The following PRKCA variants were observed in gnomAD, a reference collection of about 807,000 sequenced individuals.
PRKCA encodes the protein protein kinase C alpha type.
A neutral mutation model predicts 87.0 loss-of-function variants in PRKCA; 27 were observed. The observed-to-expected ratio is 0.31, with a 90% CI of 0.23 to 0.43. The LOEUF is 0.43. Among genes scored for constraint, PRKCA ranks in the 20% least tolerant of loss-of-function variants. The pLI, the probability that PRKCA is intolerant of heterozygous loss-of-function variation, is 1.00. For synonymous variants in PRKCA, 329 were observed against 311.1 expected (o/e 1.06, Z -0.61); for missense variants, 518 against 852.3 (o/e 0.61, Z 4.88).
intron 16 of PRKCA, among the ~76,000 whole-genome samples, chr17:66,791,137 G>A (rs1017304325): frequency 6.7e-6 from 1 of 149,514 alleles, no homozygotes; most frequent in Non-Finnish European, 1.5e-5. Context: ...TCCTAATGCT[G>A]TCCCTCCCCC....
intron 2 of PRKCA, among the ~76,000 whole-genome samples, chr17:66,462,179 G>A (rs958464184): frequency 2.0e-5 from 3 of 152,092 alleles, no homozygotes; most frequent in Non-Finnish European, 2.9e-5. Context: ...GGTGCTCTGC[G>A]GTTTCTGAGA....
intron 1 of PRKCA, among the ~76,000 whole-genome samples, chr17:66,305,368 C>T (rs993463315): frequency 6.6e-6 from 1 of 152,160 alleles, no homozygotes; most frequent in Non-Finnish European, 1.5e-5. Flanking sequence ...GACTCTCAAC[C>T]TTCCGAAGAA....
chr17:66,454,235 C>G (rs900111639), intron 2 of PRKCA, among the ~76,000 whole-genome samples: 1 of 152,166 alleles, frequency 6.6e-6, no homozygotes, highest in Non-Finnish European at 1.5e-5. Context: ...CCTGTGGACT[C>G]CCTGGTCAGT....
rs573364152 is a variant in PRKCA at position 66,420,155 on chromosome 17, A to G, written c.206-76046A>G. 1.3e-3 allele frequency among the ~76,000 whole-genome samples: 192 copies of G among 151,962 alleles called. 1 individual carries two copies. Among genetic ancestry groups the G allele is most frequent in the African/African-American group, 4.2e-3 (174 of 41,486 alleles). Reference sequence around the variant, plus strand: ...GCCTCCCAAGTAGCTGGGACTGCAGAAGTATGCCACCACGCCCGGCTAATT... The same window carrying G: ...GCCTCCCAAGTAGCTGGGACTGCAGGAGTATGCCACCACGCCCGGCTAATT... On this transcript the variant is annotated intron_variant, in intron 2 of 16. Transcript: ENST00000413366.
intron 3 of PRKCA, among the ~76,000 whole-genome samples, chr17:66,546,018 T>A (rs914970589): frequency 4.6e-5 from 7 of 152,252 alleles, no homozygotes; most frequent in African/African-American, 1.7e-4. Context: ...TTTTATCCTT[T>A]TACTTTTCAT....
Position 66,320,877 on chromosome 17 carries a change from A to G in PRKCA, c.205+14750A>G, listed in dbSNP as rs141893423. Among the ~76,000 whole-genome samples, 433 of 152,346 alleles carry G rather than the reference A, an allele frequency of 2.8e-3. 4 individuals carry two copies. The highest frequency in any genetic ancestry group is 1.0e-2 in the African/African-American group (414 of 41,592). On this transcript the variant is annotated intron_variant, in intron 2 of 16. Transcript: ENST00000413366. ...TATTTTTAGTAGCTCCCTAAACAAG[A>G]TTTAAAGCTTGACTAAATGTAGTCA...
At chr17:66,796,111 C>G (rs1335822242) in intron 16 of PRKCA, among the ~76,000 whole-genome samples, 6 of 152,170 alleles carry the variant, frequency 3.9e-5, no homozygotes, top group African/African-American at 1.4e-4. Context: ...GAAAAAATTA[C>G]TATTAACATG....
chr17:66,728,874 C>T (rs1320257688), intron 8 of PRKCA, among the ~76,000 whole-genome samples: 10 of 152,322 alleles, frequency 6.6e-5, no homozygotes, highest in South Asian at 6.2e-4. Flanking sequence ...ACTGGGCATT[C>T]GTTGGTAGTA....
At chr17:66,412,952 A>G (rs774318656) in intron 2 of PRKCA, among the ~76,000 whole-genome samples, 1 of 152,150 alleles carries the variant, frequency 6.6e-6, no homozygotes, top group Non-Finnish European at 1.5e-5. Context: ...ACAACACTTC[A>G]GATACCAGAT....
Position 66,523,731 on chromosome 17 carries a change from A to G in PRKCA, c.288+27448A>G, listed in dbSNP as rs557145166. On this transcript the variant is annotated intron_variant, in intron 3 of 16. Coordinates refer to ENST00000413366, the MANE Select transcript of PRKCA (RefSeq NM_002737.3). ...AGGAGGGGACATTGTAATGAAGCTC[A>G]GATTGCCGGAAGATGCTGGAAGGAT... Among the ~76,000 whole-genome samples, 4 of 152,280 alleles carry G rather than the reference A, an allele frequency of 2.6e-5. No individual in the cohort carries two copies. The East Asian group carries it at 7.7e-4, about 29-fold the overall frequency.
In PRKCA at chr17:66,800,678, G is replaced by A. The variant is rs564671016; in HGVS notation, c.1855-3195G>A. Among the ~76,000 whole-genome samples, 4 of 152,346 alleles carry A rather than the reference G, an allele frequency of 2.6e-5. No individual in the cohort carries two copies. In the East Asian group the frequency reaches 7.7e-4, roughly 29 times the overall value. On this transcript the variant is annotated intron_variant, in intron 16 of 16. Transcript: ENST00000413366. Reference sequence around the variant, plus strand: ...ATGATTCATGAATGCCATAAAGACAGGACTAAAAGGAAAGGGTCAGACCTG... The same window carrying A: ...ATGATTCATGAATGCCATAAAGACAAGACTAAAAGGAAAGGGTCAGACCTG...
chr17:66,507,832 G>A (rs564089056), intron 3 of PRKCA, among the ~76,000 whole-genome samples: 4 of 152,118 alleles, frequency 2.6e-5, no homozygotes, highest in Admixed American at 6.5e-5. Flanking sequence ...CTTCTAAGCC[G>A]AGTCCCATTC....
intron 3 of PRKCA, among the ~76,000 whole-genome samples, chr17:66,532,299 C>A (rs1485343107): frequency 7.4e-6 from 1 of 135,924 alleles, no homozygotes; most frequent in Non-Finnish European, 1.6e-5. Flanking sequence ...CTGCCCCCTC[C>A]CCCCCCACCC....
intron 14 of PRKCA, chr17:66,774,462 A>T: frequency 1.3e-6 from 1 of 777,904 alleles, no homozygotes; most frequent in Non-Finnish European, 1.6e-6. Flanking sequence ...CTCTACTAAA[A>T]ATACAAAAAT....
chr17:66,757,961 G>A (rs1974594839), intron 13 of PRKCA, among the ~76,000 whole-genome samples: 1 of 152,154 alleles, frequency 6.6e-6, no homozygotes, highest in South Asian at 2.1e-4. Context: ...TCCTGACCTC[G>A]TGATCCACCC....
chr17:66,704,788 ATAAT>A (rs937459473), intron 8 of PRKCA, among the ~76,000 whole-genome samples: 4 of 152,372 alleles, frequency 2.6e-5, no homozygotes, highest in African/African-American at 9.6e-5. Flanking sequence ...CAATTAAACT[ATAAT>A]TAAGGTACTT....
chr17:66,364,800 C>T (rs906225396), intron 2 of PRKCA, among the ~76,000 whole-genome samples: 1 of 152,178 alleles, frequency 6.6e-6, no homozygotes, highest in African/African-American at 2.4e-5. Context: ...TTCATTTCCA[C>T]TTTTCTATCC....
At chr17:66,376,128 C>T (rs1452302216) in intron 2 of PRKCA, among the ~76,000 whole-genome samples, 2 of 152,148 alleles carry the variant, frequency 1.3e-5, no homozygotes, top group African/African-American at 4.8e-5. Flanking sequence ...ACACTGTTTC[C>T]TAGGTTTCCT....
At chr17:66,717,361 A>G (rs1209404819) in intron 8 of PRKCA, among the ~76,000 whole-genome samples, 2 of 152,214 alleles carry the variant, frequency 1.3e-5, no homozygotes, top group African/African-American at 4.8e-5. Flanking sequence ...AATATTTACT[A>G]TCTGGACCTT....
Sources: allele counts gnomAD v4.1 joint callset (sites outside exome capture counted in the v4.1 genomes callset), GRCh38; gene constraint gnomAD v4.1.1; transcripts MANE v1.5; gene names NCBI Gene and HGNC (gene_info 2026-07-23, HGNC 2026-07-21).